Variants in TSHZ2 observed in about 807,000 individuals in gnomAD.
TSHZ2 encodes teashirt zinc finger homeobox 2.
A neutral mutation model predicts 74.4 loss-of-function variants in TSHZ2; 21 were observed. That is an observed-to-expected ratio of 0.28 (90% CI 0.20 to 0.41). The LOEUF (loss-of-function observed/expected upper bound fraction) is 0.41. Among genes scored for constraint, TSHZ2 ranks in the 10% least tolerant of loss-of-function variants. The probability of loss-of-function intolerance (pLI) is 1.00; values close to 1 mark genes in which losing one functional copy is unlikely to be tolerated. For synonymous variants in TSHZ2, 540 were observed against 515.3 expected (o/e 1.05, Z -0.65); for missense variants, 1,244 against 1,293.5 (o/e 0.96, Z 0.59).
At chr20:53,194,264 A>G (rs944593200) in intron 1 of TSHZ2, among the ~76,000 whole-genome samples, 1 of 152,222 alleles carries the variant, frequency 6.6e-6, no homozygotes, top group Non-Finnish European at 1.5e-5. Context: ...AATGACCTTC[A>G]TGAAAGAGGC....
intron 2 of TSHZ2, among the ~76,000 whole-genome samples, chr20:53,299,426 C>T (rs777004035): frequency 6.6e-6 from 1 of 152,168 alleles, no homozygotes; most frequent in Non-Finnish European, 1.5e-5. Flanking sequence ...TGGGTAAAGA[C>T]TTTTTCCCTT....
At chr20:53,473,954 A>G (rs1346444334) in intron 2 of TSHZ2, among the ~76,000 whole-genome samples, 1 of 152,114 alleles carries the variant, frequency 6.6e-6, no homozygotes, top group East Asian at 1.9e-4. Flanking sequence ...AGAAGTTTAG[A>G]GAAAAAAGAA....
At chr20:53,378,212 C>T (rs1345625716) in intron 2 of TSHZ2, among the ~76,000 whole-genome samples, 5 of 151,440 alleles carry the variant, frequency 3.3e-5, no homozygotes, top group Non-Finnish European at 5.9e-5. Flanking sequence ...TAGTGGTATG[C>T]GCCTGTAATC....
intron 2 of TSHZ2, among the ~76,000 whole-genome samples, chr20:53,411,249 T>C (rs1600618091): frequency 6.6e-6 from 1 of 152,174 alleles, no homozygotes; most frequent in Non-Finnish European, 1.5e-5. Context: ...CCTGACATGA[T>C]GTGGAGTCCC....
chr20:53,451,623 G>A (rs918436218), intron 2 of TSHZ2, among the ~76,000 whole-genome samples: 11 of 152,254 alleles, frequency 7.2e-5, no homozygotes, highest in Admixed American at 5.9e-4. Context: ...TCTTATAGAA[G>A]CCTGTCATGA....
intron 1 of TSHZ2, among the ~76,000 whole-genome samples, chr20:53,123,759 T>G (rs1022333445): frequency 2.0e-5 from 3 of 152,038 alleles, no homozygotes; most frequent in Admixed American, 2.0e-4. Context: ...TTTCCCGAAT[T>G]ATGGAACTGA....
chr20:52,997,640 A>C (rs781488506), intron 1 of TSHZ2, among the ~76,000 whole-genome samples: 91 of 152,234 alleles, frequency 6.0e-4, no homozygotes, highest in Non-Finnish European at 1.0e-3. Flanking sequence ...GAATGGTAAC[A>C]CCCAAGCAAG....
At chr20:52,990,931 A>T (rs1426262082) in intron 1 of TSHZ2, among the ~76,000 whole-genome samples, 1 of 152,174 alleles carries the variant, frequency 6.6e-6, no homozygotes, top group Non-Finnish European at 1.5e-5. Flanking sequence ...TATTTTACCC[A>T]GCATGACTTG....
At chr20:53,272,650 A>C (rs191001575) in intron 2 of TSHZ2, among the ~76,000 whole-genome samples, 3 of 152,356 alleles carry the variant, frequency 2.0e-5, no homozygotes, top group Admixed American at 1.3e-4. Context: ...AGTGCAAATG[A>C]ATCTTCAGGC....
chr20:53,118,058 A>C (rs1289675341), intron 1 of TSHZ2, among the ~76,000 whole-genome samples: 1 of 152,204 alleles, frequency 6.6e-6, no homozygotes, highest in Non-Finnish European at 1.5e-5. Context: ...CAGTGATGGA[A>C]TTTGCTCTTG....
intron 2 of TSHZ2, among the ~76,000 whole-genome samples, chr20:53,286,926 C>CGT (rs149294375): frequency 0.047 from 6,877 of 147,396 alleles, 239 homozygotes; most frequent in African/African-American, 0.097. Context: ...CACACACACA[C>CGT]GTAACACTTC....
At chr20:53,172,321 C>T (rs890510927) in intron 1 of TSHZ2, among the ~76,000 whole-genome samples, 1 of 152,104 alleles carries the variant, frequency 6.6e-6, no homozygotes, top group African/African-American at 2.4e-5. Context: ...CCATTTGTTT[C>T]CTCTTCAATT....
At chr20:53,082,729 T>A (rs1985576326) in intron 1 of TSHZ2, among the ~76,000 whole-genome samples, 1 of 152,190 alleles carries the variant, frequency 6.6e-6, no homozygotes, top group South Asian at 2.1e-4. Flanking sequence ...TGTGAAAGAA[T>A]CTATCTGGCA....
At chr20:53,324,071 G>A (rs955200950) in intron 2 of TSHZ2, among the ~76,000 whole-genome samples, 3 of 152,078 alleles carry the variant, frequency 2.0e-5, no homozygotes, top group African/African-American at 4.8e-5. Context: ...ACTAACATGC[G>A]ACGGCCATCC....
chr20:53,368,595 G>A (rs1249248360), intron 2 of TSHZ2, among the ~76,000 whole-genome samples: 1 of 152,206 alleles, frequency 6.6e-6, no homozygotes, highest in Non-Finnish European at 1.5e-5. Flanking sequence ...ACAGGCGTGA[G>A]CCTGTGCACC....
intron 1 of TSHZ2, among the ~76,000 whole-genome samples, chr20:53,099,153 G>A (rs1986144421): frequency 6.6e-6 from 1 of 152,192 alleles, no homozygotes; most frequent in African/African-American, 2.4e-5. Flanking sequence ...CTAGGCACCA[G>A]CAAGGAAGAA....
chr20:53,005,247 A>G (rs1982598194), intron 1 of TSHZ2, among the ~76,000 whole-genome samples: 2 of 152,158 alleles, frequency 1.3e-5, no homozygotes. Flanking sequence ...TGGGAGGCAG[A>G]GATTGCCGTG....
Position 53,119,531 on chromosome 20 carries a change from T to C in TSHZ2, c.41-133968T>C, listed in dbSNP as rs562002005. Among the ~76,000 whole-genome samples, 13 of 152,280 alleles carry C rather than the reference T, an allele frequency of 8.5e-5. 2 individuals are homozygous for C. In the South Asian group the frequency reaches 1.5e-3, roughly 17 times the overall value. ...GCCCAGCATGGTAACGATGAACACA[T>C]ATGACTGTTGAATGCTGGAAATGTC... is the stretch of plus-strand genomic sequence containing the variant. On this transcript the variant is annotated intron_variant, in intron 1 of 2. Coordinates refer to ENST00000371497, the MANE Select transcript of TSHZ2 (RefSeq NM_173485.6).
intron 1 of TSHZ2, among the ~76,000 whole-genome samples, chr20:53,092,835 T>G (rs1985924841): frequency 6.6e-6 from 1 of 152,156 alleles, no homozygotes; most frequent in Non-Finnish European, 1.5e-5. Context: ...TTGGCAAACT[T>G]TTTCTGTAAA....
Sources: gnomAD v4.1 joint callset for allele counts (sites outside exome capture counted in the v4.1 genomes callset) on GRCh38, gnomAD v4.1.1 for gene constraint, MANE v1.5 for transcripts, NCBI Gene and HGNC (gene_info 2026-07-23, HGNC 2026-07-21) for gene names.